Variants in FYCO1 observed in about 807,000 individuals in gnomAD.
FYCO1 encodes FYVE and coiled-coil domain-containing protein 1.
Under a neutral mutation model 165.1 loss-of-function variants are expected in FYCO1, and 122 were observed. That is an observed-to-expected ratio of 0.74 (90% CI 0.64 to 0.86). FYCO1 has a LOEUF of 0.86. FYCO1 is among the 40% of genes least tolerant of loss of function. FYCO1 has a pLI of 0.00. For synonymous variants in FYCO1, 648 were observed against 742.5 expected (o/e 0.87, Z 2.07); for missense variants, 1,702 against 1,810.3 (o/e 0.94, Z 1.09).
intron 14 of FYCO1, among the ~76,000 whole-genome samples, chr3:45,949,694 A>G (rs1002172699): frequency 1.3e-5 from 2 of 152,106 alleles, no homozygotes; most frequent in African/African-American, 4.8e-5. Context: ...CTGCCTGGCC[A>G]CAGCAACAGA....
intron 8 of FYCO1, among the ~76,000 whole-genome samples, chr3:45,965,525 G>C (rs969359282): frequency 7.2e-5 from 11 of 152,142 alleles, no homozygotes; most frequent in African/African-American, 2.7e-4. Context: ...AAAGCCCCAG[G>C]CCATTCTGCG....
At chr3:45,963,737 T>G (rs1013262343) in intron 10 of FYCO1, among the ~76,000 whole-genome samples, 5 of 152,232 alleles carry the variant, frequency 3.3e-5, no homozygotes, top group Admixed American at 6.5e-5. Flanking sequence ...CATGGTGGAC[T>G]TAGGCTCACA....
At chr3:45,979,656 A>T (rs1470251815) in intron 4 of FYCO1, 49 bp downstream of exon 4, 1 of 1,610,124 alleles carries the variant, frequency 6.2e-7, no homozygotes, top group Non-Finnish European at 8.5e-7. Flanking sequence ...GAGCTGCTTT[A>T]AGCAGGCAAA....
chr3:45,923,813 C>A (rs1290768538), intron 16 of FYCO1, 48 bp from the exon 17 acceptor site: 32 of 1,209,802 alleles, frequency 2.6e-5, no homozygotes, highest in Non-Finnish European at 3.7e-5. Flanking sequence ...GCTGAGAGGG[C>A]CCTCGGCATC....
intron 10 of FYCO1, among the ~76,000 whole-genome samples, chr3:45,963,906 T>G (rs555607759): frequency 1.3e-5 from 2 of 152,356 alleles, no homozygotes; most frequent in South Asian, 4.1e-4. Context: ...TGGGGATAGA[T>G]GATAACACCT....
chr3:45,971,381 T>C (rs1433333233), intron 6 of FYCO1, among the ~76,000 whole-genome samples: 1 of 152,122 alleles, frequency 6.6e-6, no homozygotes, highest in Admixed American at 6.5e-5. Flanking sequence ...ACAGGACAGA[T>C]TTAAGAGAAA....
At position 45,975,336 on chromosome 3, in the gene FYCO1, A is replaced by T; in HGVS notation, c.298T>A (p.Ser100Thr). 1 of 1,613,884 alleles carries T rather than the reference A, an allele frequency of 6.2e-7. No individual in the cohort carries two copies. The highest frequency in any genetic ancestry group is 1.3e-5 in the African/African-American group (1 of 75,020). The change falls in exon 5 of 18, where the codon TCC becomes ACC. Residue 100 changes from serine to threonine, a missense_variant. By Grantham distance (58) the Ser-to-Thr change is moderately conservative. Transcript: ENST00000296137. ...ATAAATGCTCTTCCTTTCCCCAAGG[A>T]TGTTCGGAGCTGGAAAAAGCAGATT... The part of the protein sequence containing the change: ...FVKSISELRT[S>T]LGKGRAFIRY...
intron 14 of FYCO1, among the ~76,000 whole-genome samples, chr3:45,936,987 A>G (rs748483753): frequency 4.6e-5 from 7 of 152,094 alleles, no homozygotes; most frequent in Non-Finnish European, 8.8e-5. Flanking sequence ...GGAGATTTTT[A>G]ACACCTTCTG....
At chr3:45,935,064 T>C (rs1703820676) in intron 15 of FYCO1, among the ~76,000 whole-genome samples, 1 of 152,158 alleles carries the variant, frequency 6.6e-6, no homozygotes, top group Non-Finnish European at 1.5e-5. Flanking sequence ...CCAAGTGTGG[T>C]CCAAGGTCAC....
rs1281393993 is a variant in FYCO1, at chr3:45,993,693, T to C, written c.-113+2029A>G. Among the ~76,000 whole-genome samples the C allele has an allele frequency of 1.3e-5, 2 of 152,208 alleles. No individual in the cohort carries two copies. The highest frequency in any genetic ancestry group is 2.4e-5 in the African/African-American group (1 of 41,458). ...TGCCTCTGTAATCACAGGCACCAGT[T>C]AATGACCCTTACCTGCTGCCTAGGG... On this transcript the variant is annotated intron_variant, in intron 1 of 17. Coordinates refer to ENST00000296137, the MANE Select transcript of FYCO1 (RefSeq NM_024513.4). This position sits in a 1 kb window ranked among gnomAD's most constrained non-coding sequence, Gnocchi z 4.4.
intron 2 of FYCO1, among the ~76,000 whole-genome samples, chr3:45,984,138 G>T (rs1707197058): frequency 6.6e-6 from 1 of 152,188 alleles, no homozygotes; most frequent in Non-Finnish European, 1.5e-5. Context: ...GAGCTTAAAG[G>T]TCAGCACTGG....
chr3:45,951,342 T>C (rs1047449585), intron 14 of FYCO1, among the ~76,000 whole-genome samples: 29 of 152,154 alleles, frequency 1.9e-4, no homozygotes, highest in African/African-American at 6.0e-4. Flanking sequence ...GGAAACTGAG[T>C]TTGTGGGCTG....
In FYCO1 at chr3:45,967,306, C is replaced by CT; in HGVS notation, c.2027dup (p.Met677AspfsTer55). Reference sequence around the variant, plus strand: ...TTACAGCCAGCAAGCTCGCCTCCATCTGGTCACCCAAGTGCCGGATGCTGG... The same window carrying CT: ...TTACAGCCAGCAAGCTCGCCTCCATCTTGGTCACCCAAGTGCCGGATGCTGG... On this transcript the variant is annotated frameshift_variant, in exon 8 of 18. Transcript: ENST00000296137. LOFTEE classifies it high-confidence loss of function. 6.2e-7 allele frequency: 1 copy of CT among 1,613,856 alleles called. No homozygotes were observed.
At chr3:45,932,712 G>T (rs1430335843) in intron 15 of FYCO1, among the ~76,000 whole-genome samples, 1 of 152,204 alleles carries the variant, frequency 6.6e-6, no homozygotes, top group East Asian at 1.9e-4. Context: ...GGTAAGAAAT[G>T]ATTAAAAAAC....
chr3:45,953,052 G>C (rs1350808545), intron 14 of FYCO1, among the ~76,000 whole-genome samples: 6 of 152,200 alleles, frequency 3.9e-5, no homozygotes, highest in Non-Finnish European at 8.8e-5. Flanking sequence ...TGAGTTTGGT[G>C]ATCAGGCTGG....
At chr3:45,955,423 G>A (rs1705255173) in intron 13 of FYCO1, 30 bp from the exon 14 acceptor site, 3 of 1,613,580 alleles carry the variant, frequency 1.9e-6, no homozygotes, top group Middle Eastern at 1.6e-4. Context: ...CAGGAGAGAA[G>A]AGACACAACA....
At chr3:45,958,668 G>C in intron 12 of FYCO1, 49 bp from the exon 13 acceptor site, 1 of 1,579,296 alleles carries the variant, frequency 6.3e-7, no homozygotes, top group Non-Finnish European at 8.7e-7. Flanking sequence ...CTATGATCTT[G>C]TGTGATCTGC....
intron 14 of FYCO1, among the ~76,000 whole-genome samples, chr3:45,939,810 C>T (rs1336731355): frequency 6.6e-6 from 1 of 152,226 alleles, no homozygotes; most frequent in African/African-American, 2.4e-5. Flanking sequence ...AATACAGTAG[C>T]CACTAGCCAT....
At chr3:45,989,214 G>T (rs1471974440) in intron 1 of FYCO1, among the ~76,000 whole-genome samples, 1 of 152,204 alleles carries the variant, frequency 6.6e-6, no homozygotes, top group African/African-American at 2.4e-5. Context: ...AAATAAGGAG[G>T]AGCCTACCAG....
Sources: allele counts gnomAD v4.1 joint callset (sites outside exome capture counted in the v4.1 genomes callset), GRCh38; gene constraint gnomAD v4.1.1; non-coding constraint Gnocchi (gnomAD v3.1); transcripts MANE v1.5; gene names NCBI Gene and HGNC (gene_info 2026-07-23, HGNC 2026-07-21).